Variants in SLC43A3 observed in about 807,000 individuals in gnomAD.
The protein encoded by SLC43A3 is equilibrative nucleobase transporter 1.
Under a neutral mutation model 53.3 loss-of-function variants are expected in SLC43A3, and 33 were observed. The observed-to-expected ratio is 0.62, with a 90% confidence interval of 0.47 to 0.83. The LOEUF is 0.83. SLC43A3 is among the 40% of genes least tolerant of loss of function. SLC43A3 has a pLI of 0.00. For synonymous variants in SLC43A3, 236 were observed against 246.2 expected, an observed-to-expected ratio of 0.96 and a Z score of 0.39; for missense variants, 530 against 610.0, an observed-to-expected ratio of 0.87 and a Z score of 1.38.
chr11:57,426,147 T>A lies in SLC43A3; in HGVS notation c.26A>T (p.His9Leu), dbSNP rs761852001. MAGQGLPL[H>L]VATLLTGLLE... ...CAGCCCAGTCAGCAGTGTGGCCACG[T>A]GCAGGGGCAGGCCCTGGCCCGCCAT... The change falls in exon 3 of 14, where the codon CAC (histidine) becomes CTC (leucine). Residue 9 changes from histidine to leucine, a missense_variant. His to Leu is a moderately conservative substitution (Grantham distance 99). Around this residue, in one of 3 missense-constraint regions of SLC43A3, gnomAD observed 30 missense variants for 57.0 expected, o/e 0.53. Transcript: ENST00000395124. The A allele has an allele frequency of 1.5e-5, 24 of 1,614,138 alleles. No individual in the cohort carries two copies. Among genetic ancestry groups the A allele is most frequent in the Non-Finnish European group, 2.0e-5 (24 of 1,179,978 alleles).
At chr11:57,419,049 A>G (rs1052740067) in intron 7 of SLC43A3, among the ~76,000 whole-genome samples, 1 of 152,140 alleles carries the variant, frequency 6.6e-6, no homozygotes, top group African/African-American at 2.4e-5. Flanking sequence ...GACACCTGGT[A>G]CACACATGCC....
chr11:57,409,742 G>A (rs1404130357), intron 12 of SLC43A3, among the ~76,000 whole-genome samples, 193 bp downstream of exon 12: 2 of 152,216 alleles, frequency 1.3e-5, no homozygotes. Flanking sequence ...CACCGCAGAT[G>A]TAAAGGCTCA....
chr11:57,411,508 A>G (rs892761447), intron 11 of SLC43A3, among the ~76,000 whole-genome samples: 4 of 138,648 alleles, frequency 2.9e-5, no homozygotes, highest in Non-Finnish European at 3.1e-5. Flanking sequence ...AAAAAAAATT[A>G]TTTTAAATTA....
chr11:57,425,927 G>T lies in SLC43A3; in HGVS notation c.184+62C>A, dbSNP rs1367762702. The T allele has an allele frequency of 6.5e-6, 10 of 1,537,192 alleles. No individual in the cohort carries two copies. The East Asian group carries it at 2.0e-4, about 31-fold the overall frequency. Reference sequence around the variant, plus strand: ...GTGGGCAGGGGGCAGAGTCCTTCCTGCTCCTTGCCACCACGTGGGAGCCAG... The same window carrying T: ...GTGGGCAGGGGGCAGAGTCCTTCCTTCTCCTTGCCACCACGTGGGAGCCAG... On this transcript the variant is annotated intron_variant, in intron 3 of 13. Coordinates refer to ENST00000395124, the MANE Select transcript of SLC43A3 (RefSeq NM_199329.3).
intron 8 of SLC43A3, 113 bp from the exon 9 acceptor site, chr11:57,416,783 C>A: frequency 2.6e-6 from 2 of 779,890 alleles, no homozygotes; most frequent in South Asian, 1.6e-5. Flanking sequence ...TTGGAATCAC[C>A]TTTTAGCCAC....
chr11:57,418,889 C>CA (rs112768792), intron 7 of SLC43A3, among the ~76,000 whole-genome samples: 244 of 127,892 alleles, frequency 1.9e-3, no homozygotes, highest in Middle Eastern at 4.1e-3. Context: ...GACTCTGTCT[C>CA]AAAAAAAAAA....
At chr11:57,422,618 C>T (rs1334379143) in intron 5 of SLC43A3, among the ~76,000 whole-genome samples, 3 of 152,218 alleles carry the variant, frequency 2.0e-5, no homozygotes, top group Non-Finnish European at 4.4e-5. Flanking sequence ...TCTCCTACTA[C>T]TAAAGGTTGG....
chr11:57,415,265 C>T lies in SLC43A3; in HGVS notation c.770-159G>A, dbSNP rs546207408. 20 of 1,534,150 alleles carry T rather than the reference C, an allele frequency of 1.3e-5. No individual in the cohort carries two copies. The East Asian group carries it at 4.9e-4, about 38-fold the overall frequency. ...GTGCTCTGCACCTGCCTCGGACTCA[C>T]ACATCCCCACCTCCCTGCTTTGTCA... On this transcript the variant is annotated intron_variant, in intron 9 of 13. Coordinates refer to ENST00000395124, the MANE Select transcript of SLC43A3 (RefSeq NM_199329.3).
Position 57,415,076 on chromosome 11 carries a change from A to G in SLC43A3, c.800T>C (p.Leu267Pro), listed in dbSNP as rs1470953096. Residue 267 changes from leucine to proline, a missense_variant, in exon 10 of 14, where the codon CTC becomes CCC. Leu to Pro is a moderately conservative substitution (Grantham distance 98). Around this residue, in one of 3 missense-constraint regions of SLC43A3, gnomAD observed 376 missense variants for 386.7 expected, o/e 0.97. Coordinates refer to ENST00000395124, the MANE Select transcript of SLC43A3 (RefSeq NM_199329.3). The stretch of plus-strand genomic sequence containing the variant: ...GAAAGCGTAGCTCCAGAAGGAGCGG[A>G]GTTCCTGCTTCTGCCCTGCCCCTGG... ...ETPGAGQKQE[L>P]RSFWSYAFSR... 2 of 1,613,282 alleles carry G rather than the reference A, an allele frequency of 1.2e-6. No homozygotes were observed. The highest frequency in any genetic ancestry group is 1.7e-6 in the Non-Finnish European group (2 of 1,179,564).
chr11:57,423,956 C>T (rs1409718528), intron 5 of SLC43A3, 26 bp downstream of exon 5: 1 of 1,613,094 alleles, frequency 6.2e-7, no homozygotes, highest in South Asian at 1.1e-5. Context: ...AGCTTGCATC[C>T]CTCCCACCCA....
At chr11:57,415,162 T>C (rs1942660116) in intron 9 of SLC43A3, 56 bp from the exon 10 acceptor site, 3 of 1,584,620 alleles carry the variant, frequency 1.9e-6, no homozygotes, top group East Asian at 2.2e-5. Flanking sequence ...ACAGGTAGGA[T>C]GGGGAGTGTG....
At chr11:57,425,388 G>A (rs1943166919) in intron 4 of SLC43A3, among the ~76,000 whole-genome samples, 153 bp downstream of exon 4, 1 of 152,148 alleles carries the variant, frequency 6.6e-6, no homozygotes, top group African/African-American at 2.4e-5. Flanking sequence ...CCCGCTGCCT[G>A]GGGCTGTTCC....
At chr11:57,423,072 T>C (rs1216825298) in intron 5 of SLC43A3, among the ~76,000 whole-genome samples, 1 of 152,070 alleles carries the variant, frequency 6.6e-6, no homozygotes, top group Non-Finnish European at 1.5e-5. Context: ...ACCAAGGCAA[T>C]GACAGAAAGA....
At chr11:57,415,693 T>C (rs1334804631) in intron 9 of SLC43A3, among the ~76,000 whole-genome samples, 1 of 152,186 alleles carries the variant, frequency 6.6e-6, no homozygotes, top group Non-Finnish European at 1.5e-5. Context: ...AAATAGGTCC[T>C]ACACCCTGGC....
intron 7 of SLC43A3, among the ~76,000 whole-genome samples, chr11:57,418,951 A>G (rs1172701396): frequency 6.6e-6 from 1 of 152,190 alleles, no homozygotes; most frequent in African/African-American, 2.4e-5. Context: ...GCATACAAAA[A>G]CATCAGCAGA....
Position 57,414,973 on chromosome 11 carries a change from G to A in SLC43A3, c.903C>T (p.Asn301=). ...LWHYLFIGTL[N]SLLTNMAGGD... ...CACCGGCCATGTTGGTCAGCAAGGA[G>A]TTGAGAGTGCCAATGAAGAGGTAGT... is the stretch of plus-strand genomic sequence containing the variant. The change falls in exon 10 of 14, where the codon AAC becomes AAT. Residue 301 remains asparagine, a synonymous_variant. Transcript: ENST00000395124. 6.2e-7 allele frequency: 1 copy of A among 1,613,864 alleles called. No individual in the cohort carries two copies. The highest frequency in any genetic ancestry group is 1.3e-5 in the African/African-American group (1 of 75,044).
Position 57,414,976 on chromosome 11 carries a change from G to A in SLC43A3, c.900C>T (p.Leu300=), listed in dbSNP as rs370803804. ...QLWHYLFIGT[L]NSLLTNMAGG... ...CGGCCATGTTGGTCAGCAAGGAGTT[G>A]AGAGTGCCAATGAAGAGGTAGTGCC... The change falls in exon 10 of 14, where the codon CTC becomes CTT. Residue 300 remains leucine, a synonymous_variant. Coordinates refer to ENST00000395124, the MANE Select transcript of SLC43A3 (RefSeq NM_199329.3). 1.3e-3 allele frequency: 2,078 copies of A among 1,613,880 alleles called. 39 individuals are homozygous for A. In the South Asian group the frequency reaches 0.022, roughly 17 times the overall value.
In SLC43A3 at chr11:57,421,353, G is replaced by C; in HGVS notation, c.382C>G (p.Leu128Val). 1.2e-6 allele frequency: 2 copies of C among 1,613,952 alleles called. No homozygotes were observed. The highest frequency in any genetic ancestry group is 1.7e-6 in the Non-Finnish European group (2 of 1,179,950). Reference sequence around the variant, plus strand: ...CCAATGGTGAGCATTGGCATGGCCAGGAAGAGCAGCACGGCTGAGCCTGGA... The same window carrying C: ...CCAATGGTGAGCATTGGCATGGCCACGAAGAGCAGCACGGCTGAGCCTGGA... Reference protein sequence around the residue: ...TSAGSAVLLFLAMPMLTIGGI... With the variant: ...TSAGSAVLLFVAMPMLTIGGI... The change falls in exon 6 of 14, where the codon CTG becomes GTG. Residue 128 changes from leucine to valine, a missense_variant. By Grantham distance (32) the Leu-to-Val change is conservative (BLOSUM62 1). This residue lies in a region of SLC43A3 where 376 missense variants were observed against 386.7 expected (regional missense o/e 0.97). Transcript: ENST00000395124.
chr11:57,407,825 A>G lies in SLC43A3; in HGVS notation c.1443T>C (p.Arg481=). The G allele has an allele frequency of 6.2e-7, 1 of 1,613,164 alleles. No homozygotes were observed. Among genetic ancestry groups the G allele is most frequent in the Non-Finnish European group, 8.5e-7 (1 of 1,179,088 alleles). ...TTGCAGAGGGACTTTCTTTCCAAGT[A>G]CGGCATTCCCGATATACCAGAAAGG... ...FHPFLVYREC[R]TWKESPSAIA The change falls in exon 14 of 14, where the codon CGT becomes CGC. Residue 481 remains arginine, a synonymous_variant. Coordinates refer to ENST00000395124, the MANE Select transcript of SLC43A3 (RefSeq NM_199329.3).
Sources: gnomAD v4.1 joint callset for allele counts (sites outside exome capture counted in the v4.1 genomes callset) on GRCh38, gnomAD v4.1.1 for gene constraint, gnomAD v4.1.1 regional missense constraint, MANE v1.5 for transcripts, NCBI Gene and HGNC (gene_info 2026-07-23, HGNC 2026-07-21) for gene names.